Variants in DSCAM observed in about 807,000 individuals in gnomAD.
DSCAM encodes cell adhesion molecule DSCAM.
In DSCAM, 47 loss-of-function variants were observed where a neutral mutation model predicts 217.7. That is an observed-to-expected ratio of 0.22 (90% CI 0.17 to 0.28). The LOEUF (loss-of-function observed/expected upper bound fraction) is 0.28, where lower values mean the gene tolerates loss of function less well. Ranked by LOEUF, DSCAM falls within the 10% of genes least tolerant of loss-of-function variation. The probability of loss-of-function intolerance (pLI) is 1.00; values close to 1 mark genes in which losing one functional copy is unlikely to be tolerated. For missense variants in DSCAM, 2,080 were observed against 2,618.3 expected, an observed-to-expected ratio of 0.79 and a Z score of 4.49; for synonymous variants, 1,056 against 1,015.3, an observed-to-expected ratio of 1.04 and a Z score of -0.76.
chr21:40,830,669 C>G (rs749672081), intron 1 of DSCAM, among the ~76,000 whole-genome samples: 6 of 152,288 alleles, frequency 3.9e-5, no homozygotes, highest in Non-Finnish European at 5.9e-5. Flanking sequence ...TCTTGAATTT[C>G]CGCAAGTGTA....
chr21:40,564,855 T>C (rs889797473), intron 3 of DSCAM, among the ~76,000 whole-genome samples: 11 of 151,044 alleles, frequency 7.3e-5, no homozygotes, highest in African/African-American at 2.7e-4. Context: ...AGAAGCTGCT[T>C]GGCAATAAGG....
At chr21:40,051,308 G>A (rs2088926969) in intron 30 of DSCAM, among the ~76,000 whole-genome samples, 1 of 152,072 alleles carries the variant, frequency 6.6e-6, no homozygotes, top group Non-Finnish European at 1.5e-5. Context: ...ACATATTAGG[G>A]GATTCACCTT....
intron 32 of DSCAM, among the ~76,000 whole-genome samples, chr21:40,017,161 T>TA (rs1233384441): frequency 2.0e-5 from 3 of 151,550 alleles, no homozygotes; most frequent in African/African-American, 4.8e-5. Flanking sequence ...AATCAAGCCC[T>TA]AAAAATGCAT....
At chr21:40,407,151 C>CA (rs139257785) in intron 3 of DSCAM, among the ~76,000 whole-genome samples, 25 of 152,088 alleles carry the variant, frequency 1.6e-4, no homozygotes, top group Non-Finnish European at 2.8e-4. Flanking sequence ...GTTCACACCA[C>CA]AAAAAATGAG....
At chr21:40,728,898 T>A (rs978921680) in intron 1 of DSCAM, among the ~76,000 whole-genome samples, 2 of 152,186 alleles carry the variant, frequency 1.3e-5, no homozygotes, top group Admixed American at 1.3e-4. Flanking sequence ...GGATTCCGTA[T>A]TGTGTGTCAG....
chr21:40,800,512 A>G (rs533998000), intron 1 of DSCAM, among the ~76,000 whole-genome samples: 5 of 152,324 alleles, frequency 3.3e-5, no homozygotes, highest in Admixed American at 3.3e-4. Context: ...AGATATGGCC[A>G]GTAAAGGCCA....
intron 3 of DSCAM, among the ~76,000 whole-genome samples, chr21:40,637,508 AATATATAAAT>A (rs1418689766): frequency 3.9e-5 from 1 of 25,688 alleles, no homozygotes; most frequent in African/African-American, 1.7e-4. Context: ...AATATATATA[AATATATAAAT>A]ATATATAAAT....
intron 3 of DSCAM, among the ~76,000 whole-genome samples, chr21:40,688,216 C>T (rs746199579): frequency 6.6e-6 from 1 of 152,074 alleles, no homozygotes; most frequent in African/African-American, 2.4e-5. Context: ...ATCCGGTTAC[C>T]CCTGGGCTGT....
intron 30 of DSCAM, among the ~76,000 whole-genome samples, chr21:40,048,777 C>T (rs1011936285): frequency 1.3e-5 from 2 of 152,170 alleles, no homozygotes; most frequent in African/African-American, 4.8e-5. Context: ...CCATGGAATT[C>T]ACAGAGGTAT....
intron 3 of DSCAM, among the ~76,000 whole-genome samples, chr21:40,457,794 T>C (rs1252992182): frequency 6.6e-6 from 1 of 152,136 alleles, no homozygotes; most frequent in Non-Finnish European, 1.5e-5. Context: ...TTGTGGTAAG[T>C]TTTAAAGTAT....
chr21:40,030,085 C>T (rs145695259), intron 32 of DSCAM, among the ~76,000 whole-genome samples: 78 of 152,320 alleles, frequency 5.1e-4, no homozygotes, highest in Non-Finnish European at 9.8e-4. Flanking sequence ...TGCACATGTA[C>T]GTGGATACAT....
intron 1 of DSCAM, among the ~76,000 whole-genome samples, chr21:40,710,749 A>ATAAT (rs775372551): frequency 5.3e-5 from 8 of 152,374 alleles, no homozygotes; most frequent in Middle Eastern, 3.4e-3. Context: ...ATTTATAAAT[A>ATAAT]TAATGAAGGC....
At chr21:40,566,225 C>T (rs1337708562) in intron 3 of DSCAM, among the ~76,000 whole-genome samples, 1 of 151,958 alleles carries the variant, frequency 6.6e-6, no homozygotes, top group Non-Finnish European at 1.5e-5. Context: ...AAACGGCCAC[C>T]CTAGATGGCT....
At chr21:40,218,659 G>C (rs2091264942) in intron 11 of DSCAM, among the ~76,000 whole-genome samples, 1 of 151,626 alleles carries the variant, frequency 6.6e-6, no homozygotes, top group South Asian at 2.1e-4. Flanking sequence ...TGTCTTCCCT[G>C]ATTTCTTTCA....
intron 1 of DSCAM, among the ~76,000 whole-genome samples, chr21:40,808,103 T>C (rs2091804181): frequency 6.6e-6 from 1 of 152,160 alleles, no homozygotes; most frequent in South Asian, 2.1e-4. Flanking sequence ...CAATGACTGG[T>C]CAATGGGTGT....
chr21:40,152,501 C>T (rs879338459), intron 16 of DSCAM, among the ~76,000 whole-genome samples: 31 of 152,342 alleles, frequency 2.0e-4, no homozygotes, highest in Middle Eastern at 3.4e-3. Context: ...CTCTCTCCCC[C>T]TTCCTAGCCT....
At chr21:40,325,265 T>A (rs2074305096) in intron 8 of DSCAM, among the ~76,000 whole-genome samples, 2 of 152,222 alleles carry the variant, frequency 1.3e-5, no homozygotes, top group South Asian at 4.2e-4. Flanking sequence ...GGTATCTTGG[T>A]AGATGGAGAG....
At chr21:40,688,004 T>G (rs1332098992) in intron 3 of DSCAM, among the ~76,000 whole-genome samples, 1 of 152,190 alleles carries the variant, frequency 6.6e-6, no homozygotes, top group Non-Finnish European at 1.5e-5. Flanking sequence ...GGCAGAAAAT[T>G]GTTCACGTTT....
At chr21:40,648,272 C>CACAA (rs72274781) in intron 3 of DSCAM, among the ~76,000 whole-genome samples, 8 of 148,706 alleles carry the variant, frequency 5.4e-5, no homozygotes, top group Non-Finnish European at 1.2e-4. Context: ...CACACACACA[C>CACAA]ACACACACAC....
Sources: gnomAD v4.1 joint callset for allele counts (sites outside exome capture counted in the v4.1 genomes callset) on GRCh38, gnomAD v4.1.1 for gene constraint, MANE v1.5 for transcripts, NCBI Gene and HGNC (gene_info 2026-07-23, HGNC 2026-07-21) for gene names.